Variants in MAGI1 observed in about 807,000 individuals in gnomAD.
MAGI1 encodes the protein membrane associated guanylate kinase, WW and PDZ domain containing 1.
A neutral mutation model predicts 139.9 loss-of-function variants in MAGI1; 58 were observed. The observed-to-expected ratio is 0.41, with a 90% CI of 0.34 to 0.52. The LOEUF is 0.52. Ranked by LOEUF, MAGI1 falls within the 20% of genes least tolerant of loss-of-function variation. The pLI, the probability that MAGI1 is intolerant of heterozygous loss-of-function variation, is 0.12. For synonymous variants in MAGI1, 812 were observed against 737.9 expected (o/e 1.10, Z -1.63); for missense variants, 1,874 against 1,901.6 (o/e 0.99, Z 0.27).
intron 1 of MAGI1, among the ~76,000 whole-genome samples, chr3:65,981,790 G>A (rs2065595817): frequency 6.6e-6 from 1 of 152,116 alleles, no homozygotes; most frequent in Admixed American, 6.5e-5. Flanking sequence ...CTGCTGCCAT[G>A]TAAGACATGT....
chr3:65,915,094 T>C (rs562640294), intron 1 of MAGI1, among the ~76,000 whole-genome samples: 1 of 152,320 alleles, frequency 6.6e-6, no homozygotes, highest in South Asian at 2.1e-4. Context: ...GCAAATTGTG[T>C]GGTAAATGAT....
chr3:65,965,029 T>C (rs749507453), intron 1 of MAGI1, among the ~76,000 whole-genome samples: 1 of 152,246 alleles, frequency 6.6e-6, no homozygotes, highest in Non-Finnish European at 1.5e-5. Context: ...CAAGGCATAA[T>C]TAGCCTTGCT....
intron 2 of MAGI1, among the ~76,000 whole-genome samples, chr3:65,517,410 C>A (rs2077957662): frequency 6.6e-6 from 1 of 152,218 alleles, no homozygotes; most frequent in South Asian, 2.1e-4. Flanking sequence ...CAGCACATAT[C>A]AACATCTCTG....
chr3:65,525,356 T>C (rs1323725081), intron 2 of MAGI1, among the ~76,000 whole-genome samples: 1 of 152,174 alleles, frequency 6.6e-6, no homozygotes, highest in Non-Finnish European at 1.5e-5. Flanking sequence ...CTTTACAGTA[T>C]TTGTAGCCAA....
At chr3:65,687,426 C>A in intron 1 of MAGI1, 1 of 376,382 alleles carries the variant, frequency 2.7e-6, no homozygotes, top group East Asian at 6.7e-5. Flanking sequence ...ATGGCCCTCC[C>A]CTGGGTCAAG....
At chr3:65,527,801 A>G (rs1301613457) in intron 2 of MAGI1, among the ~76,000 whole-genome samples, 2 of 151,764 alleles carry the variant, frequency 1.3e-5, no homozygotes, top group South Asian at 2.1e-4. Flanking sequence ...TGCAATCCCA[A>G]CTACTCAGGA....
intron 1 of MAGI1, among the ~76,000 whole-genome samples, chr3:65,635,246 G>T (rs1001302083): frequency 1.3e-5 from 2 of 151,974 alleles, no homozygotes; most frequent in African/African-American, 4.8e-5. Context: ...TGTATTTTTA[G>T]TAGAGATGGG....
At chr3:66,003,363 G>C (rs981235228) in intron 1 of MAGI1, among the ~76,000 whole-genome samples, 16 of 152,068 alleles carry the variant, frequency 1.1e-4, no homozygotes, top group African/African-American at 3.9e-4. Context: ...CAAGGTTAAA[G>C]AGGAGAGGCA....
intron 2 of MAGI1, among the ~76,000 whole-genome samples, chr3:65,547,781 G>A (rs1197691607): frequency 6.6e-6 from 1 of 152,130 alleles, no homozygotes; most frequent in Non-Finnish European, 1.5e-5. Flanking sequence ...CCTATGTTTA[G>A]GTACTCCATA....
At position 65,374,313 on chromosome 3, in the gene MAGI1, CTTTTTTTTTTT is replaced by C. The variant is rs3072933; in HGVS notation, c.3196+1421_3196+1431del. 7.4e-5 allele frequency among the ~76,000 whole-genome samples: 7 copies of C among 95,106 alleles called. No homozygotes were observed. The East Asian group carries it at 1.9e-3, about 26-fold the overall frequency. The allele number at this position is 95,106 out of a possible 152,430, so 62.4% of individuals were successfully genotyped here. A position where few individuals can be genotyped will look rare whatever the true frequency, so the allele number is the denominator to read the frequency against. On this transcript the variant is annotated intron_variant, in intron 18 of 22. Transcript: ENST00000402939. ...TCCTGGCCTTAGTGTATCAACTTAA[CTTTTTTTTTTT>C]TTTTTTTTTTTTGAGATGAGTCTCG... is the stretch of plus-strand genomic sequence containing the variant.
intron 2 of MAGI1, among the ~76,000 whole-genome samples, chr3:65,534,773 C>G (rs186425403): frequency 3.1e-4 from 47 of 152,292 alleles, no homozygotes; most frequent in African/African-American, 1.1e-3. Context: ...CCTCCAAATT[C>G]AATCCCATTT....
rs949767192 is a variant in MAGI1 at position 65,901,036 on chromosome 3, G to A, written c.313+136960C>T. Among the ~76,000 whole-genome samples the A allele has an allele frequency of 2.4e-4, 37 of 152,280 alleles. 1 individual carries two copies. The highest frequency in any genetic ancestry group is 1.0e-3 in the South Asian group (5 of 4,822). On this transcript the variant is annotated intron_variant, in intron 1 of 22. Transcript: ENST00000402939. The stretch of plus-strand genomic sequence containing the variant: ...TGATAAGGTTCAAAGTCTTAGTCCC[G>A]GGGTGTTTCCAAAACTGGCCTACAC...
At chr3:65,828,419 G>A (rs977837930) in intron 1 of MAGI1, among the ~76,000 whole-genome samples, 21 of 152,144 alleles carry the variant, frequency 1.4e-4, no homozygotes, top group Non-Finnish European at 2.2e-4. Flanking sequence ...CACTGTTGTA[G>A]TTCTCCAGGG....
chr3:65,628,300 A>T (rs1383121517), intron 1 of MAGI1, among the ~76,000 whole-genome samples: 1 of 152,178 alleles, frequency 6.6e-6, no homozygotes, highest in Non-Finnish European at 1.5e-5. Context: ...CACTAGGAAG[A>T]TTCGGAGGAC....
intron 1 of MAGI1, among the ~76,000 whole-genome samples, chr3:65,720,579 C>A (rs908110873): frequency 1.3e-5 from 2 of 152,064 alleles, no homozygotes; most frequent in African/African-American, 4.8e-5. Flanking sequence ...AAAGCATCAC[C>A]CACGGTAAGC....
At chr3:65,992,460 G>GAAC (rs10663264) in intron 1 of MAGI1, among the ~76,000 whole-genome samples, 118,477 of 151,906 alleles carry the variant, frequency 0.78, 46,599 homozygotes, top group East Asian at 0.96. Flanking sequence ...AAAAAACAGT[G>GAAC]AACTGTGGTA....
chr3:65,719,054 C>T (rs1028195952), intron 1 of MAGI1, among the ~76,000 whole-genome samples: 5 of 147,514 alleles, frequency 3.4e-5, no homozygotes, highest in Non-Finnish European at 7.5e-5. Flanking sequence ...AGCAAACGCC[C>T]TAAATTGTTG....
chr3:65,416,112 C>T (rs373044007), intron 12 of MAGI1, among the ~76,000 whole-genome samples: 22 of 151,424 alleles, frequency 1.5e-4, no homozygotes, highest in South Asian at 4.2e-4. Flanking sequence ...TATTTCCAAG[C>T]GATTTTTGAA....
chr3:65,994,030 T>G (rs1323935459), intron 1 of MAGI1, among the ~76,000 whole-genome samples: 3 of 152,048 alleles, frequency 2.0e-5, no homozygotes, highest in Non-Finnish European at 2.9e-5. Flanking sequence ...TCCCAGCACT[T>G]TGGGAGGCAG....
Sources: allele counts gnomAD v4.1 joint callset (sites outside exome capture counted in the v4.1 genomes callset), GRCh38; gene constraint gnomAD v4.1.1; transcripts MANE v1.5; gene names NCBI Gene and HGNC (gene_info 2026-07-23, HGNC 2026-07-21).